LRP1B: variants seen among roughly 807,000 people sequenced by gnomAD.
LRP1B encodes low-density lipoprotein receptor-related protein 1B.
In LRP1B, 217 loss-of-function variants were observed where a neutral mutation model predicts 556.6. The ratio of observed to expected loss-of-function variants is 0.39; its 90% confidence interval spans 0.35 to 0.44. The LOEUF (loss-of-function observed/expected upper bound fraction) is 0.44, where lower values mean the gene tolerates loss of function less well. Among genes scored for constraint, LRP1B ranks in the 20% least tolerant of loss-of-function variants. The probability of loss-of-function intolerance (pLI) is 1.00; values close to 1 mark genes in which losing one functional copy is unlikely to be tolerated. For synonymous variants in LRP1B, 2,047 were observed against 1,865.8 expected (o/e 1.10, Z -2.50); for missense variants, 5,053 against 5,620.8 (o/e 0.90, Z 3.23).
intron 8 of LRP1B, among the ~76,000 whole-genome samples, chr2:141,061,420 T>G (rs1177046148): frequency 6.6e-6 from 1 of 151,768 alleles, no homozygotes; most frequent in African/African-American, 2.4e-5. Context: ...AAATATATTA[T>G]AGTAAATAAG....
intron 3 of LRP1B, among the ~76,000 whole-genome samples, chr2:141,257,611 C>T (rs910618198): frequency 6.6e-6 from 1 of 152,084 alleles, no homozygotes; most frequent in Admixed American, 6.6e-5. Flanking sequence ...AGGAGGAGAT[C>T]TGTTAGTTGA....
intron 3 of LRP1B, among the ~76,000 whole-genome samples, chr2:141,290,564 G>A (rs1685903739): frequency 6.6e-6 from 1 of 152,088 alleles, no homozygotes; most frequent in Admixed American, 6.5e-5. Context: ...GTCTGAGGAA[G>A]CAGTTTTATG....
At chr2:141,129,170 C>T (rs1239026583) in intron 7 of LRP1B, among the ~76,000 whole-genome samples, 1 of 152,126 alleles carries the variant, frequency 6.6e-6, no homozygotes, top group Non-Finnish European at 1.5e-5. Context: ...AAAACACACA[C>T]ATACAAATCC....
chr2:141,332,305 G>C (rs1467857593), intron 3 of LRP1B, among the ~76,000 whole-genome samples: 2 of 151,920 alleles, frequency 1.3e-5, no homozygotes, highest in South Asian at 2.1e-4. Context: ...AACGTATTTT[G>C]TAAAATTTGA....
chr2:140,390,362 G>A (rs1683962356), intron 66 of LRP1B, among the ~76,000 whole-genome samples: 1 of 151,816 alleles, frequency 6.6e-6, no homozygotes. Context: ...GATGAAGAAA[G>A]GCAAGTCTTT....
intron 63 of LRP1B, among the ~76,000 whole-genome samples, chr2:140,447,588 G>A (rs368559029): frequency 1.3e-5 from 2 of 152,092 alleles, no homozygotes; most frequent in East Asian, 1.9e-4. Context: ...ACCACTGAAA[G>A]TTTCTTCACA....
chr2:140,519,934 G>T (rs77911406), intron 49 of LRP1B, among the ~76,000 whole-genome samples: 33,225 of 152,076 alleles, frequency 0.22, 4,511 homozygotes, highest in East Asian at 0.59. Context: ...ACACCAGTTA[G>T]AATGGCGATC....
intron 1 of LRP1B, among the ~76,000 whole-genome samples, chr2:141,972,858 TATA>T (rs1008521298): frequency 4.4e-4 from 67 of 151,876 alleles, no homozygotes; most frequent in African/African-American, 1.5e-3. Context: ...TAATGCTTTT[TATA>T]ATTTTAACAA....
At position 141,673,868 on chromosome 2, in the gene LRP1B, G is replaced by T. The variant is rs1170628859; in HGVS notation, c.205+136411C>A. Among the ~76,000 whole-genome samples, 3 of 151,906 alleles carry T rather than the reference G, an allele frequency of 2.0e-5. 1 individual carries two copies. Among genetic ancestry groups the T allele is most frequent in the East Asian group, 1.9e-4 (1 of 5,190 alleles). ...TTTAATCACTATGAGTACAGAGTAG[G>T]TGTATATATTTATGGGGTATATGGG... On this transcript the variant is annotated intron_variant, in intron 2 of 90. Coordinates refer to ENST00000389484, the MANE Select transcript of LRP1B (RefSeq NM_018557.3).
intron 41 of LRP1B, among the ~76,000 whole-genome samples, 159 bp downstream of exon 41, chr2:140,700,091 G>A (rs10928067): frequency 6.8e-6 from 1 of 147,204 alleles, no homozygotes; most frequent in Admixed American, 6.9e-5. Flanking sequence ...GACATTTGGC[G>A]GGGGGGTGGG....
At chr2:141,077,585 G>C (rs75067050) in intron 7 of LRP1B, among the ~76,000 whole-genome samples, 5,785 of 152,234 alleles carry the variant, frequency 0.038, 179 homozygotes, top group Middle Eastern at 0.12. Flanking sequence ...TTTAAGTAAA[G>C]ATGATTATCT....
intron 1 of LRP1B, among the ~76,000 whole-genome samples, chr2:141,937,233 C>T (rs904857966): frequency 2.1e-4 from 32 of 151,326 alleles, no homozygotes; most frequent in African/African-American, 7.3e-4. Flanking sequence ...AAAAATTAGC[C>T]GGGTGTGGTG....
chr2:141,308,028 GA>G (rs959995281), intron 3 of LRP1B, among the ~76,000 whole-genome samples: 21 of 152,316 alleles, frequency 1.4e-4, no homozygotes, highest in African/African-American at 5.1e-4. Flanking sequence ...CAGCAGGTTG[GA>G]TGTGCTACCT....
chr2:142,060,551 A>G (rs907527719), intron 1 of LRP1B, among the ~76,000 whole-genome samples: 21 of 151,952 alleles, frequency 1.4e-4, no homozygotes, highest in Non-Finnish European at 2.8e-4. Context: ...TTTCTGGATT[A>G]TTCTGGCTTA....
intron 41 of LRP1B, among the ~76,000 whole-genome samples, chr2:140,675,334 C>T (rs949843128): frequency 6.6e-6 from 1 of 152,114 alleles, no homozygotes; most frequent in African/African-American, 2.4e-5. Flanking sequence ...CAGTAGGGTG[C>T]TAATAAATAA....
chr2:140,365,673 G>T (rs1682728611), intron 71 of LRP1B, among the ~76,000 whole-genome samples: 1 of 151,620 alleles, frequency 6.6e-6, no homozygotes, highest in Admixed American at 6.6e-5. Context: ...GGTGCAAGAA[G>T]TACCTGGGGA....
intron 60 of LRP1B, among the ~76,000 whole-genome samples, chr2:140,468,351 C>A (rs911479653): frequency 6.6e-6 from 1 of 152,184 alleles, no homozygotes; most frequent in Non-Finnish European, 1.5e-5. Flanking sequence ...TCAAAAAATG[C>A]CACAGAAAGC....
intron 1 of LRP1B, among the ~76,000 whole-genome samples, chr2:141,938,318 A>G (rs964024376): frequency 1.3e-5 from 2 of 152,208 alleles, no homozygotes; most frequent in Non-Finnish European, 2.9e-5. Flanking sequence ...TCTTCCAAAG[A>G]AGAAATAAAA....
intron 1 of LRP1B, among the ~76,000 whole-genome samples, chr2:141,822,130 C>CACACACACACACACACAG (rs374369026): frequency 1.0e-5 from 1 of 95,892 alleles, no homozygotes; most frequent in African/African-American, 4.5e-5. Flanking sequence ...CACACACACA[C>CACACACACACACACACAG]AGAGAGAGAG....
Sources: gnomAD v4.1 joint callset for allele counts (sites outside exome capture counted in the v4.1 genomes callset) on GRCh38, gnomAD v4.1.1 for gene constraint, MANE v1.5 for transcripts, NCBI Gene and HGNC (gene_info 2026-07-23, HGNC 2026-07-21) for gene names.